Variants in VMP1 observed in about 807,000 individuals in gnomAD.
The protein encoded by VMP1 is vacuole membrane protein 1.
A neutral mutation model predicts 56.0 loss-of-function variants in VMP1; 11 were observed. The ratio of observed to expected loss-of-function variants is 0.20; its 90% CI spans 0.12 to 0.32. VMP1 has a LOEUF of 0.32. Among genes scored for constraint, VMP1 ranks in the 10% least tolerant of loss-of-function variants. The pLI is 1.00. For synonymous variants in VMP1, 149 were observed against 165.0 expected (o/e 0.90, Z 0.74); for missense variants, 296 against 490.3 (o/e 0.60, Z 3.74).
At chr17:59,832,626 C>G (rs2038848968) in intron 10 of VMP1, among the ~76,000 whole-genome samples, 1 of 150,902 alleles carries the variant, frequency 6.6e-6, no homozygotes, top group African/African-American at 2.4e-5. Context: ...CAGAGTCTCG[C>G]TCTGTCGCCC....
chr17:59,825,423 C>T (rs2038616963), intron 10 of VMP1, among the ~76,000 whole-genome samples: 2 of 152,022 alleles, frequency 1.3e-5, no homozygotes, highest in Non-Finnish European at 2.9e-5. Flanking sequence ...TAATTTTAGA[C>T]TTTCTCCAGT....
chr17:59,744,354 C>T (rs1234918645), intron 5 of VMP1, among the ~76,000 whole-genome samples: 1 of 148,878 alleles, frequency 6.7e-6, no homozygotes, highest in Admixed American at 6.8e-5. Context: ...CCCAGCTACT[C>T]AGGAGGCTGA....
At chr17:59,743,035 T>C (rs1207174618) in intron 5 of VMP1, among the ~76,000 whole-genome samples, 1 of 152,190 alleles carries the variant, frequency 6.6e-6, no homozygotes, top group Non-Finnish European at 1.5e-5. Context: ...CACCACACAG[T>C]TTCCTCTACT....
chr17:59,772,987 G>T, intron 6 of VMP1, among the ~76,000 whole-genome samples: 1 of 77,064 alleles, frequency 1.3e-5, no homozygotes, highest in Non-Finnish European at 2.2e-5. Context: ...TTTTGAGACA[G>T]AGTCTTGCTC....
chr17:59,826,348 CA>C (rs1365707662), intron 10 of VMP1, among the ~76,000 whole-genome samples: 1 of 152,120 alleles, frequency 6.6e-6, no homozygotes, highest in Non-Finnish European at 1.5e-5. Flanking sequence ...TTTAATGGAG[CA>C]TTTTAGTAGC....
At chr17:59,780,121 A>G (rs993951721) in intron 7 of VMP1, among the ~76,000 whole-genome samples, 14 of 152,180 alleles carry the variant, frequency 9.2e-5, no homozygotes, top group Non-Finnish European at 2.9e-5. Context: ...AATGCACACA[A>G]TACTTCTGTT....
chr17:59,821,865 T>A (rs1399703988), intron 10 of VMP1, among the ~76,000 whole-genome samples: 2 of 146,968 alleles, frequency 1.4e-5, no homozygotes, highest in Non-Finnish European at 1.5e-5. Flanking sequence ...TTTTTTGAGA[T>A]GGAGTTTTGC....
At chr17:59,821,539 CTTTTTTTT>C (rs530907168) in intron 10 of VMP1, among the ~76,000 whole-genome samples, 21 of 104,684 alleles carry the variant, frequency 2.0e-4, no homozygotes, top group Admixed American at 3.2e-4. Context: ...AGCTACTTTT[CTTTTTTTT>C]TTTTTTTTTT....
intron 1 of VMP1, among the ~76,000 whole-genome samples, chr17:59,724,918 A>G (rs2143768010): frequency 6.6e-6 from 1 of 151,948 alleles, no homozygotes; most frequent in Middle Eastern, 3.4e-3. Context: ...GTGAGCCGAG[A>G]TGGTGCCACT....
At chr17:59,815,741 C>T (rs2038204986) in intron 9 of VMP1, among the ~76,000 whole-genome samples, 1 of 151,466 alleles carries the variant, frequency 6.6e-6, no homozygotes, top group Non-Finnish European at 1.5e-5. Flanking sequence ...CCTGTAGTCC[C>T]AGCTACTCAG....
intron 1 of VMP1, among the ~76,000 whole-genome samples, chr17:59,722,707 G>T (rs1268071154): frequency 2.0e-5 from 3 of 152,154 alleles, no homozygotes; most frequent in Non-Finnish European, 4.4e-5. Flanking sequence ...AGCCGGGCAT[G>T]GGGGTACATG....
At chr17:59,836,865 AT>A (rs1351032455) in intron 10 of VMP1, among the ~76,000 whole-genome samples, 3 of 151,986 alleles carry the variant, frequency 2.0e-5, no homozygotes, top group African/African-American at 7.2e-5. Context: ...AAACTCTTCT[AT>A]TCCTGCTTTT....
chr17:59,784,741 C>T (rs1325077326), intron 7 of VMP1: 3 of 152,104 alleles, frequency 2.0e-5, no homozygotes, highest in African/African-American at 4.8e-5. Context: ...AATTGAACAA[C>T]AGTAATTTTA....
Position 59,841,654 on chromosome 17 carries a change from G to A in VMP1, c.*1743G>A, listed in dbSNP as rs1190285819. On this transcript the variant is annotated 3_prime_UTR_variant, in exon 12 of 12. Coordinates refer to ENST00000262291, the MANE Select transcript of VMP1 (RefSeq NM_030938.5). The stretch of plus-strand genomic sequence containing the variant: ...CTTCTTTGAAAAGCATTCCCAAAAT[G>A]CTCTATTTTAGATAGATTAACATTA... 6.3e-6 allele frequency: 1 copy of A among 159,536 alleles called. No individual in the cohort carries two copies. The highest frequency in any genetic ancestry group is 1.4e-5 in the Non-Finnish European group (1 of 71,804). The allele number at this position is 159,536 out of a possible 1,614,324, so 9.9% of individuals were successfully genotyped here.
chr17:59,816,662 G>A (rs561789239), intron 9 of VMP1, among the ~76,000 whole-genome samples: 241 of 151,738 alleles, frequency 1.6e-3, no homozygotes, highest in Non-Finnish European at 2.5e-3. Context: ...AAAATTAGCC[G>A]GGCATGGTGG....
At chr17:59,736,426 C>T (rs983298498) in intron 3 of VMP1, among the ~76,000 whole-genome samples, 4 of 146,170 alleles carry the variant, frequency 2.7e-5, no homozygotes, top group Non-Finnish European at 3.0e-5. Context: ...ATTAGCCGGT[C>T]GTGGTAGTGC....
At chr17:59,722,467 A>G (rs953069870) in intron 1 of VMP1, among the ~76,000 whole-genome samples, 4 of 152,284 alleles carry the variant, frequency 2.6e-5, no homozygotes, top group African/African-American at 9.6e-5. Flanking sequence ...TAATAATTTT[A>G]TGGTTATGAG....
chr17:59,716,600 G>T (rs1426327952), intron 1 of VMP1, among the ~76,000 whole-genome samples: 3 of 152,138 alleles, frequency 2.0e-5, no homozygotes, highest in Non-Finnish European at 4.4e-5. Flanking sequence ...ATATGCTGCC[G>T]ACTTGCTATT....
In VMP1 at chr17:59,840,077, T is replaced by G; in HGVS notation, c.*166T>G. The stretch of plus-strand genomic sequence containing the variant: ...TACTTTGCACTGACATACTTTTTCC[T>G]TCTGTGCTAAGGTAAGGTATCCACC... On this transcript the variant is annotated 3_prime_UTR_variant, in exon 12 of 12. Transcript: ENST00000262291. 1.2e-6 allele frequency: 1 copy of G among 833,184 alleles called. No homozygotes were observed. Among genetic ancestry groups the G allele is most frequent in the Middle Eastern group, 3.2e-4 (1 of 3,154 alleles). The allele number at this position is 833,184 out of a possible 1,614,324, so 51.6% of individuals were successfully genotyped here.
Sources: allele counts gnomAD v4.1 joint callset (sites outside exome capture counted in the v4.1 genomes callset), GRCh38; gene constraint gnomAD v4.1.1; transcripts MANE v1.5; gene names NCBI Gene and HGNC (gene_info 2026-07-23, HGNC 2026-07-21).